Variants in PTPRQ observed in about 807,000 individuals in gnomAD.
PTPRQ encodes the protein protein tyrosine phosphatase receptor type Q.
Under a neutral mutation model 246.0 loss-of-function variants are expected in PTPRQ, and 199 were observed. The ratio of observed to expected loss-of-function variants is 0.81; its 90% CI spans 0.72 to 0.91. PTPRQ has a LOEUF of 0.91. Among genes scored for constraint, PTPRQ ranks in the 40% least tolerant of loss-of-function variants. PTPRQ has a pLI of 0.00. For synonymous variants in PTPRQ, 869 were observed against 853.2 expected (o/e 1.02, Z -0.32); for missense variants, 2,624 against 2,528.4 (o/e 1.04, Z -0.81).
chr12:80,592,593 A>G (rs1261066366), intron 26 of PTPRQ, among the ~76,000 whole-genome samples: 1 of 152,198 alleles, frequency 6.6e-6, no homozygotes, highest in Non-Finnish European at 1.5e-5. Context: ...AATATTAAAA[A>G]TAAGGCATTC....
Position 80,669,482 on chromosome 12 carries a change from G to T in PTPRQ, c.6453+18G>T. On this transcript the variant is annotated intron_variant, in intron 41 of 44. Transcript: ENST00000644991. ...TTGAAAGGGTAAAAAAAAAAGGGGG[G>T]GACGAGAGAACATGATATAAAATAT... 6.5e-7 allele frequency: 1 copy of T among 1,533,146 alleles called. No individual in the cohort carries two copies. The allele number at this position is 1,533,146 out of a possible 1,614,324, so 95.0% of individuals were successfully genotyped here.
intron 8 of PTPRQ, among the ~76,000 whole-genome samples, chr12:80,481,740 C>T (rs1230974652): frequency 6.6e-6 from 1 of 151,986 alleles, no homozygotes; most frequent in Non-Finnish European, 1.5e-5. Context: ...AACAGACAAA[C>T]AGAGAGCCAA....
intron 19 of PTPRQ, among the ~76,000 whole-genome samples, chr12:80,538,304 A>G (rs1350834899): frequency 1.3e-5 from 2 of 152,246 alleles, no homozygotes; most frequent in Non-Finnish European, 2.9e-5. Flanking sequence ...TTAATGTTAC[A>G]AATTTGTTAC....
intron 26 of PTPRQ, among the ~76,000 whole-genome samples, chr12:80,598,948 A>G (rs917738721): frequency 6.6e-6 from 1 of 152,034 alleles, no homozygotes. Context: ...GCAGATGGCA[A>G]AGTTACAAAT....
chr12:80,515,425 CTTTT>C (rs35189865), intron 17 of PTPRQ, among the ~76,000 whole-genome samples: 1 of 144,134 alleles, frequency 6.9e-6, no homozygotes, highest in Admixed American at 6.9e-5. Context: ...TGAATATTTC[CTTTT>C]TTTTTTTTTG....
At position 80,617,276 on chromosome 12, in the gene PTPRQ, C is replaced by A. The variant is rs531063099; in HGVS notation, c.5230+1010C>A. Among the ~76,000 whole-genome samples, 7 of 151,262 alleles carry A rather than the reference C, an allele frequency of 4.6e-5. No homozygotes were observed. In the South Asian group the frequency reaches 8.3e-4, roughly 18 times the overall value. On this transcript the variant is annotated intron_variant, in intron 30 of 44. Transcript: ENST00000644991. ...AGAGAATCTGAAAAAACCCTTAAGA[C>A]CCCTGCCTGGAAACATGTACTATTA...
chr12:80,514,483 A>G (rs1895224929), intron 17 of PTPRQ, among the ~76,000 whole-genome samples: 1 of 147,926 alleles, frequency 6.8e-6, no homozygotes, highest in Admixed American at 6.9e-5. Context: ...CACATAATTG[A>G]AACTTAATAT....
chr12:80,586,957 A>G (rs1016846323), intron 25 of PTPRQ, among the ~76,000 whole-genome samples: 2 of 152,314 alleles, frequency 1.3e-5, no homozygotes, highest in Admixed American at 1.3e-4. Flanking sequence ...CATTTTATAT[A>G]AGGAATTTGA....
intron 17 of PTPRQ, among the ~76,000 whole-genome samples, chr12:80,530,270 G>C (rs1895806131): frequency 6.6e-6 from 1 of 152,092 alleles, no homozygotes; most frequent in Non-Finnish European, 1.5e-5. Flanking sequence ...AAGGGAAAAA[G>C]TTATTGTCCT....
At chr12:80,607,542 C>T (rs1395221911) in intron 27 of PTPRQ, among the ~76,000 whole-genome samples, 1 of 143,836 alleles carries the variant, frequency 7.0e-6, no homozygotes, top group Non-Finnish European at 1.5e-5. Flanking sequence ...TGTACCAGAA[C>T]TGTGCTAGGT....
intron 25 of PTPRQ, among the ~76,000 whole-genome samples, chr12:80,555,450 C>G (rs34901288): frequency 0.21 from 31,772 of 152,064 alleles, 5,193 homozygotes; most frequent in African/African-American, 0.45. Flanking sequence ...GGCAGTAAAA[C>G]TGCTGCCCTT....
chr12:80,594,722 G>A (rs1415376393), intron 26 of PTPRQ, among the ~76,000 whole-genome samples: 1 of 152,064 alleles, frequency 6.6e-6, no homozygotes, highest in East Asian at 1.9e-4. Flanking sequence ...CATCCCCCAC[G>A]AGGCAAAACC....
At chr12:80,460,051 G>A (rs962592762) in intron 5 of PTPRQ, among the ~76,000 whole-genome samples, 6 of 152,168 alleles carry the variant, frequency 3.9e-5, no homozygotes, top group East Asian at 1.9e-4. Flanking sequence ...AATAAGCATC[G>A]TCATTTTAAT....
At chr12:80,519,289 C>T (rs963246936) in intron 17 of PTPRQ, among the ~76,000 whole-genome samples, 4 of 152,094 alleles carry the variant, frequency 2.6e-5, no homozygotes, top group African/African-American at 9.7e-5. Context: ...AGGCAATCTT[C>T]TCATCAAGTT....
intron 23 of PTPRQ, among the ~76,000 whole-genome samples, chr12:80,546,323 G>T (rs185162040): frequency 1.4e-4 from 22 of 152,052 alleles, no homozygotes; most frequent in African/African-American, 5.3e-4. Context: ...TCTAAAAAAG[G>T]CAATTATGAG....
chr12:80,611,725 T>G (rs17006969), intron 28 of PTPRQ, among the ~76,000 whole-genome samples: 14,099 of 150,328 alleles, frequency 0.094, 1,695 homozygotes, highest in African/African-American at 0.28. Context: ...AAAATCTGGG[T>G]ACTAGGAAAT....
intron 9 of PTPRQ, among the ~76,000 whole-genome samples, chr12:80,490,975 TAA>T (rs1420505984): frequency 6.6e-6 from 1 of 152,000 alleles, no homozygotes; most frequent in Non-Finnish European, 1.5e-5. Flanking sequence ...CACTTAGTGA[TAA>T]CATTCTGGGT....
chr12:80,659,009 A>T (rs1316102053), intron 39 of PTPRQ, among the ~76,000 whole-genome samples: 1 of 151,982 alleles, frequency 6.6e-6, no homozygotes, highest in African/African-American at 2.4e-5. Flanking sequence ...TCTAAATCTG[A>T]TATTGGTTGA....
At chr12:80,643,353 G>T (rs1018755138) in intron 35 of PTPRQ, among the ~76,000 whole-genome samples, 1 of 151,316 alleles carries the variant, frequency 6.6e-6, no homozygotes, top group South Asian at 2.1e-4. Context: ...CAGGAGAATC[G>T]CTTGAACCCA....
Sources: allele counts gnomAD v4.1 joint callset (sites outside exome capture counted in the v4.1 genomes callset), GRCh38; gene constraint gnomAD v4.1.1; transcripts MANE v1.5; gene names NCBI Gene and HGNC (gene_info 2026-07-23, HGNC 2026-07-21).